IGSF21: variants seen among roughly 807,000 people sequenced by gnomAD.
IGSF21 encodes immunoglobin superfamily member 21.
In IGSF21, 28 loss-of-function variants were observed where a neutral mutation model predicts 46.8. The ratio of observed to expected loss-of-function variants is 0.60; its 90% CI spans 0.44 to 0.82. IGSF21 has a LOEUF of 0.82. Among genes scored for constraint, IGSF21 ranks in the 40% least tolerant of loss-of-function variants. The probability of loss-of-function intolerance (pLI) is 0.00; values close to 1 mark genes in which losing one functional copy is unlikely to be tolerated. For synonymous variants in IGSF21, 284 were observed against 273.6 expected, an observed-to-expected ratio of 1.04 and a Z score of -0.38; for missense variants, 624 against 665.5, an observed-to-expected ratio of 0.94 and a Z score of 0.69.
At chr1:18,155,114 TC>T (rs1342952846) in intron 1 of IGSF21, among the ~76,000 whole-genome samples, 1 of 152,078 alleles carries the variant, frequency 6.6e-6, no homozygotes, top group Non-Finnish European at 1.5e-5. Flanking sequence ...CACAAGGGTC[TC>T]CAGGGAGCCT....
At chr1:18,224,043 G>T (rs2084537538) in intron 1 of IGSF21, among the ~76,000 whole-genome samples, 1 of 152,174 alleles carries the variant, frequency 6.6e-6, no homozygotes, top group South Asian at 2.1e-4. Context: ...CTCCAGCAGG[G>T]CTGAGACTAG....
At chr1:18,271,102 C>T (rs1244557037) in intron 2 of IGSF21, among the ~76,000 whole-genome samples, 1 of 152,114 alleles carries the variant, frequency 6.6e-6, no homozygotes, top group African/African-American at 2.4e-5. Context: ...CAGCTGCTCG[C>T]AGAGCTATGG....
At chr1:18,186,688 A>T (rs544731774) in intron 1 of IGSF21, among the ~76,000 whole-genome samples, 1 of 152,162 alleles carries the variant, frequency 6.6e-6, no homozygotes, top group African/African-American at 2.4e-5. Flanking sequence ...TTTAAGAAAA[A>T]TGTTCAAAAT....
At chr1:18,154,301 C>T (rs2086548760) in intron 1 of IGSF21, among the ~76,000 whole-genome samples, 1 of 152,104 alleles carries the variant, frequency 6.6e-6, no homozygotes, top group African/African-American at 2.4e-5. Context: ...TTTCTTTTGT[C>T]ATCTCTTTCA....
intron 3 of IGSF21, among the ~76,000 whole-genome samples, chr1:18,332,466 T>C (rs893341636): frequency 6.6e-6 from 1 of 152,040 alleles, no homozygotes; most frequent in Non-Finnish European, 1.5e-5. Flanking sequence ...CCATGGGGTC[T>C]TGGGTAAGTC....
chr1:18,185,105 AGAGGT>A (rs1311185128), intron 1 of IGSF21, among the ~76,000 whole-genome samples: 5 of 152,220 alleles, frequency 3.3e-5, no homozygotes, highest in African/African-American at 1.2e-4. Context: ...AGTCATTCAG[AGAGGT>A]GAGGTGAGCT....
chr1:18,352,444 A>C (rs990637591), intron 4 of IGSF21, among the ~76,000 whole-genome samples: 1 of 152,162 alleles, frequency 6.6e-6, no homozygotes. Context: ...TGGAATGGGG[A>C]TCAAGGATTT....
chr1:18,116,707 T>C (rs1054545088), intron 1 of IGSF21, among the ~76,000 whole-genome samples: 1 of 152,214 alleles, frequency 6.6e-6, no homozygotes, highest in East Asian at 1.9e-4. Context: ...CAATCCCACA[T>C]TCATTGAGAA....
Position 18,225,965 on chromosome 1 carries a change from G to A in IGSF21, c.71-1933G>A, listed in dbSNP as rs568494131. Among the ~76,000 whole-genome samples, 4 of 152,344 alleles carry A rather than the reference G, an allele frequency of 2.6e-5. No individual in the cohort carries two copies. The East Asian group carries it at 7.7e-4, about 29-fold the overall frequency. On this transcript the variant is annotated intron_variant, in intron 1 of 9. Transcript: ENST00000251296. ...ACCTCTTGGTTCACTCACAGAAAGT[G>A]GGAATCATAATAGTTCCTCTCTCCT...
chr1:18,118,056 G>A (rs931876541), intron 1 of IGSF21, among the ~76,000 whole-genome samples: 2 of 152,230 alleles, frequency 1.3e-5, no homozygotes, highest in Non-Finnish European at 2.9e-5. Flanking sequence ...CAGCACTTCA[G>A]TAGGGAGCAA....
chr1:18,148,737 G>A (rs2086493470), intron 1 of IGSF21, among the ~76,000 whole-genome samples: 1 of 152,166 alleles, frequency 6.6e-6, no homozygotes, highest in African/African-American at 2.4e-5. Flanking sequence ...AGTAAGCATA[G>A]ACCCTGCCCT....
intron 1 of IGSF21, among the ~76,000 whole-genome samples, chr1:18,182,659 A>G (rs896732380): frequency 6.6e-6 from 1 of 152,180 alleles, no homozygotes; most frequent in Admixed American, 6.5e-5. Flanking sequence ...TGAATGAATG[A>G]ATGCATGCAT....
chr1:18,109,389 G>A lies in IGSF21; in HGVS notation c.70+1191G>A, dbSNP rs2086121505. 1 of 152,126 alleles carries A rather than the reference G, an allele frequency of 6.6e-6. No homozygotes were observed. Among genetic ancestry groups the A allele is most frequent in the African/African-American group, 2.4e-5 (1 of 41,404 alleles). 9.4% of individuals were successfully genotyped at this position (152,126 alleles called of 1,614,324 possible). A position where few individuals can be genotyped will look rare whatever the true frequency, so the allele number is the denominator to read the frequency against. On this transcript the variant is annotated intron_variant, in intron 1 of 9. Transcript: ENST00000251296. This position sits in a 1 kb window ranked among gnomAD's most constrained non-coding sequence, Gnocchi z 4.8. ...CGAGGTGCCAAAAAGTCGTCTTTAT[G>A]ATCAATAAGGTCTCGACCCCGAGCC...
intron 2 of IGSF21, among the ~76,000 whole-genome samples, chr1:18,254,423 C>T (rs1288165616): frequency 6.6e-6 from 1 of 152,150 alleles, no homozygotes; most frequent in Non-Finnish European, 1.5e-5. Flanking sequence ...TTCACTGGAT[C>T]TAGGTATCTT....
At chr1:18,229,098 A>G (rs1212547132) in intron 2 of IGSF21, among the ~76,000 whole-genome samples, 3 of 152,204 alleles carry the variant, frequency 2.0e-5, no homozygotes, top group Admixed American at 6.5e-5. Flanking sequence ...TTCATGGGCT[A>G]TAGTTTGCAA....
chr1:18,349,959 T>C (rs1378217038), intron 4 of IGSF21, among the ~76,000 whole-genome samples: 1 of 151,918 alleles, frequency 6.6e-6, no homozygotes, highest in Non-Finnish European at 1.5e-5. Flanking sequence ...GCAGCAGGGA[T>C]AAGTGGCTTG....
At chr1:18,269,456 C>T (rs1309077205) in intron 2 of IGSF21, among the ~76,000 whole-genome samples, 1 of 152,092 alleles carries the variant, frequency 6.6e-6, no homozygotes, top group African/African-American at 2.4e-5. Flanking sequence ...GATACGTTTA[C>T]AAGGAAAAGC....
At chr1:18,307,261 T>A (rs1015025714) in intron 3 of IGSF21, among the ~76,000 whole-genome samples, 5 of 152,112 alleles carry the variant, frequency 3.3e-5, no homozygotes. Flanking sequence ...TGCCAGGGGC[T>A]TTCGAACACT....
intron 3 of IGSF21, among the ~76,000 whole-genome samples, chr1:18,299,842 C>A (rs1274425220): frequency 2.0e-5 from 3 of 152,220 alleles, no homozygotes; most frequent in African/African-American, 7.2e-5. Flanking sequence ...GGAACCTGGT[C>A]CCCCTCTCAA....
Sources: gnomAD v4.1 joint callset for allele counts (sites outside exome capture counted in the v4.1 genomes callset) on GRCh38, gnomAD v4.1.1 for gene constraint, Gnocchi (gnomAD v3.1) non-coding constraint, MANE v1.5 for transcripts, NCBI Gene and HGNC (gene_info 2026-07-23, HGNC 2026-07-21) for gene names.